The following SPTB variants were observed in gnomAD, a reference collection of about 807,000 sequenced individuals.
SPTB encodes the protein spectrin beta chain, erythrocytic.
In SPTB, 45 loss-of-function variants were observed where a neutral mutation model predicts 256.2. The observed-to-expected ratio is 0.18, with a 90% CI of 0.14 to 0.23. The LOEUF is 0.23. Ranked by LOEUF, SPTB falls within the 10% of genes least tolerant of loss-of-function variation. The probability of loss-of-function intolerance (pLI) is 1.00; values close to 1 mark genes in which losing one functional copy is unlikely to be tolerated. For missense variants in SPTB, 2,715 were observed against 3,040.4 expected, an observed-to-expected ratio of 0.89 and a Z score of 2.52; for synonymous variants, 1,231 against 1,243.1, an observed-to-expected ratio of 0.99 and a Z score of 0.21.
chr14:64,842,740 A>C (rs1397809796), intron 1 of SPTB, among the ~76,000 whole-genome samples: 3 of 152,148 alleles, frequency 2.0e-5, no homozygotes, highest in Non-Finnish European at 4.4e-5. Context: ...CAGTTTCTCC[A>C]ATTATAAAAT....
chr14:64,831,853 G>T (rs1236389231), intron 1 of SPTB, among the ~76,000 whole-genome samples: 4 of 152,134 alleles, frequency 2.6e-5, no homozygotes, highest in Non-Finnish European at 5.9e-5. Context: ...ACAGGAAACA[G>T]AATGAGATCT....
In SPTB at chr14:64,805,085, G is replaced by A. The variant is rs1594796374; in HGVS notation, c.154C>T (p.Arg52Trp). 1.2e-6 allele frequency: 2 copies of A among 1,614,122 alleles called. No individual in the cohort carries two copies. The highest frequency in any genetic ancestry group is 1.7e-6 in the Non-Finnish European group (2 of 1,180,016). Residue 52 changes from arginine (R) to tryptophan (W), a missense_variant, in exon 3 of 36, where the codon CGG becomes TGG. Arg to Trp is a moderately radical substitution (Grantham distance 101). Coordinates refer to ENST00000644917, the MANE Select transcript of SPTB (RefSeq NM_001355436.2). The part of the protein sequence containing the change: ...RSRIKALADE[R>W]EVVQKKTFTK... ...AAGGTCTTTTTCTGAACAACTTCCC[G>A]CTCATCTAGGTGGAGAGAAGAACCT... is the stretch of plus-strand genomic sequence containing the variant.
rs1232155679 is a variant in SPTB at position 64,794,613 on chromosome 14, T to A, written c.1649A>T (p.His550Leu). The change falls in exon 13 of 36, where the codon CAC becomes CTC. Residue 550 changes from histidine (H) to leucine (L), a missense_variant. By Grantham distance (99) the His-to-Leu change is moderately conservative. Transcript: ENST00000644917. ...CTTCCCAAACTCGGCAGACAAGAGG[T>A]GAGCCTGGCAAAGAGAACAGCAGAA... is the stretch of plus-strand genomic sequence containing the variant. Reference protein sequence around the residue: ...SIDWMDEIKAHLLSAEFGKHL... With the variant: ...SIDWMDEIKALLLSAEFGKHL... 6.2e-7 allele frequency: 1 copy of A among 1,613,956 alleles called. No individual in the cohort carries two copies. The highest frequency in any genetic ancestry group is 2.2e-5 in the East Asian group (1 of 44,860).
At chr14:64,828,873 T>C (rs1266702365) in intron 1 of SPTB, among the ~76,000 whole-genome samples, 1 of 152,210 alleles carries the variant, frequency 6.6e-6, no homozygotes, top group Admixed American at 6.5e-5. Context: ...TGTAGTGAGG[T>C]CTCAACATTG....
At chr14:64,850,858 G>A (rs1265208978) in intron 1 of SPTB, among the ~76,000 whole-genome samples, 2 of 152,154 alleles carry the variant, frequency 1.3e-5, no homozygotes, top group African/African-American at 4.8e-5. Context: ...AGAGTTTGAT[G>A]TACTCCCATT....
intron 1 of SPTB, among the ~76,000 whole-genome samples, chr14:64,867,816 T>C (rs1566811360): frequency 6.9e-6 from 1 of 144,638 alleles, no homozygotes; most frequent in Non-Finnish European, 1.5e-5. Flanking sequence ...ATCATGCCAC[T>C]GTACTCCAGC....
At chr14:64,797,654 A>T in intron 10 of SPTB, 75 bp downstream of exon 10, 1 of 1,181,254 alleles carries the variant, frequency 8.5e-7, no homozygotes, top group Non-Finnish European at 1.3e-6. Flanking sequence ...AATCTGGTCC[A>T]ATGACCATTC....
chr14:64,863,617 C>A (rs1251414928), intron 1 of SPTB, among the ~76,000 whole-genome samples: 1 of 152,212 alleles, frequency 6.6e-6, no homozygotes, highest in Non-Finnish European at 1.5e-5. Context: ...CCCCACCTCC[C>A]TGCATCATTT....
intron 32 of SPTB, among the ~76,000 whole-genome samples, chr14:64,766,051 G>A (rs1015653518): frequency 4.9e-5 from 7 of 143,634 alleles, no homozygotes; most frequent in South Asian, 2.2e-4. Flanking sequence ...GTGGGTGTGC[G>A]TGAGGTGTGT....
chr14:64,827,006 C>T lies in SPTB; in HGVS notation c.-51-3861G>A, dbSNP rs2083386094. Among the ~76,000 whole-genome samples the T allele has an allele frequency of 6.6e-6, 1 of 152,198 alleles. No individual in the cohort carries two copies. ...ATGCAACCCACAGCTCCAACCTTCA[C>T]ATCCGCCTTTGAGGTCCGATGCTAG... is the stretch of plus-strand genomic sequence containing the variant. On this transcript the variant is annotated intron_variant, in intron 1 of 35. Transcript: ENST00000644917. This position sits in a 1 kb window ranked among gnomAD's most constrained non-coding sequence, Gnocchi z 4.6.
chr14:64,879,724 C>G (rs1594869387), intron 1 of SPTB, 68 bp downstream of exon 1: 1 of 152,646 alleles, frequency 6.6e-6, no homozygotes, highest in East Asian at 1.9e-4. Context: ...TTTGAGCTGG[C>G]GCCGCGCGTC....
intron 1 of SPTB, among the ~76,000 whole-genome samples, chr14:64,858,791 G>C (rs1435300708): frequency 6.6e-6 from 1 of 152,112 alleles, no homozygotes; most frequent in African/African-American, 2.4e-5. Flanking sequence ...AGAGCATCAG[G>C]GGAATCTTGG....
intron 22 of SPTB, among the ~76,000 whole-genome samples, chr14:64,776,159 T>G (rs928895627): frequency 2.0e-5 from 3 of 152,164 alleles, no homozygotes; most frequent in Non-Finnish European, 2.9e-5. Context: ...CACTACCTGT[T>G]TCTTCCCTCT....
intron 29 of SPTB, 93 bp downstream of exon 29, chr14:64,768,941 T>C (rs2082234966): frequency 2.9e-6 from 3 of 1,022,600 alleles, no homozygotes; most frequent in East Asian, 2.4e-5. Flanking sequence ...CTCTAGGCAG[T>C]AGTGAAAATC....
At chr14:64,817,916 T>C (rs1201704433) in intron 2 of SPTB, among the ~76,000 whole-genome samples, 1 of 152,164 alleles carries the variant, frequency 6.6e-6, no homozygotes, top group Non-Finnish European at 1.5e-5. Flanking sequence ...CTGAAGACAG[T>C]TAAGGCTCAG....
chr14:64,801,004 A>G lies in SPTB; in HGVS notation c.764-136T>C, dbSNP rs541880034. On this transcript the variant is annotated intron_variant, in intron 7 of 35. Transcript: ENST00000644917. ...TGACAACCAACAGAGCAAGAATGGAAGAGTGTGATGAAATCCATTTTAGAA... is the reference window on the plus strand; with the variant it reads ...TGACAACCAACAGAGCAAGAATGGAGGAGTGTGATGAAATCCATTTTAGAA... The G allele has an allele frequency of 3.2e-5, 24 of 753,338 alleles. No individual in the cohort carries two copies. The East Asian group carries it at 4.5e-4, about 14-fold the overall frequency. The allele number at this position is 753,338 out of a possible 1,614,324, so 46.7% of individuals were successfully genotyped here.
At position 64,781,413 on chromosome 14, in the gene SPTB, T is replaced by C. The variant is rs558713469; in HGVS notation, c.4266+877A>G. On this transcript the variant is annotated intron_variant, in intron 20 of 35. Coordinates refer to ENST00000644917, the MANE Select transcript of SPTB (RefSeq NM_001355436.2). ...GCCATTAAAAAGTGGGCAAAGGACA[T>C]GAACAGACACTTCGCAAAAGACACA... Among the ~76,000 whole-genome samples the C allele has an allele frequency of 2.0e-5, 3 of 152,212 alleles. No homozygotes were observed. The East Asian group carries it at 5.8e-4, about 29-fold the overall frequency.
intron 2 of SPTB, among the ~76,000 whole-genome samples, chr14:64,812,022 T>C (rs3819928): frequency 0.43 from 65,223 of 152,164 alleles, 15,220 homozygotes; most frequent in African/African-American, 0.62. Context: ...AAAAAATCAT[T>C]GCATTTTTAA....
At chr14:64,837,569 T>C (rs1263728576) in intron 1 of SPTB, among the ~76,000 whole-genome samples, 1 of 152,178 alleles carries the variant, frequency 6.6e-6, no homozygotes, top group Non-Finnish European at 1.5e-5. Flanking sequence ...AGGAGAACTT[T>C]TTTTGAGAAA....
Sources: gnomAD v4.1 joint callset for allele counts (sites outside exome capture counted in the v4.1 genomes callset) on GRCh38, gnomAD v4.1.1 for gene constraint, Gnocchi (gnomAD v3.1) non-coding constraint, MANE v1.5 for transcripts, NCBI Gene and HGNC (gene_info 2026-07-23, HGNC 2026-07-21) for gene names.